The following GABRA2 variants were observed in gnomAD, a reference collection of about 807,000 sequenced individuals.
GABRA2 encodes the protein gamma-aminobutyric acid receptor subunit alpha-2.
Under a neutral mutation model 48.7 loss-of-function variants are expected in GABRA2, and 16 were observed. The observed-to-expected ratio is 0.33, with a 90% CI of 0.22 to 0.50. The LOEUF (loss-of-function observed/expected upper bound fraction) is 0.50. GABRA2 is among the 20% of genes least tolerant of loss of function. The pLI is 0.98. For missense variants in GABRA2, 275 were observed against 535.6 expected, an observed-to-expected ratio of 0.51 and a Z score of 4.80; for synonymous variants, 185 against 184.5, an observed-to-expected ratio of 1.00 and a Z score of -0.02.
chr4:46,252,267 A>G (rs1470588137), intron 9 of GABRA2, among the ~76,000 whole-genome samples: 5 of 151,450 alleles, frequency 3.3e-5, no homozygotes, highest in Non-Finnish European at 7.4e-5. Flanking sequence ...ACCATTTGTA[A>G]CTTTGTAAAA....
In GABRA2 at chr4:46,388,846, C is replaced by T; in HGVS notation, c.-10-130G>A. 2.0e-6 allele frequency: 3 copies of T among 1,497,244 alleles called. No individual in the cohort carries two copies. In the South Asian group the frequency reaches 4.1e-5, roughly 21 times the overall value. 92.7% of individuals were successfully genotyped at this position (1,497,244 alleles called of 1,614,324 possible). On this transcript the variant is annotated intron_variant, in intron 1 of 9. Transcript: ENST00000381620. Reference sequence around the variant, plus strand: ...AAAGCTATGGAGATTACTTCCTGGACTCTGTGTAGGACTTGATGATTGAGA... The same window carrying T: ...AAAGCTATGGAGATTACTTCCTGGATTCTGTGTAGGACTTGATGATTGAGA...
intron 4 of GABRA2, among the ~76,000 whole-genome samples, chr4:46,320,446 A>C (rs1729263077): frequency 6.6e-6 from 1 of 151,908 alleles, no homozygotes; most frequent in African/African-American, 2.4e-5. Context: ...CATACATCAA[A>C]CTAGAAAGCT....
chr4:46,381,233 T>C (rs530679194), intron 3 of GABRA2, among the ~76,000 whole-genome samples: 21 of 152,336 alleles, frequency 1.4e-4, no homozygotes, highest in Middle Eastern at 6.8e-3. Context: ...CAATGACCTA[T>C]AAAATTGATC....
chr4:46,253,900 A>G (rs1715294086), intron 9 of GABRA2, among the ~76,000 whole-genome samples: 1 of 151,536 alleles, frequency 6.6e-6, no homozygotes, highest in Non-Finnish European at 1.5e-5. Context: ...ATTTAAAAGT[A>G]ATAACTGCAA....
chr4:46,284,598 C>T (rs1722167425), intron 8 of GABRA2, among the ~76,000 whole-genome samples: 1 of 151,966 alleles, frequency 6.6e-6, no homozygotes, highest in Non-Finnish European at 1.5e-5. Flanking sequence ...TGAAATATAC[C>T]AGAAAATGAA....
At chr4:46,362,526 A>C (rs1232578207) in intron 3 of GABRA2, among the ~76,000 whole-genome samples, 1 of 152,236 alleles carries the variant, frequency 6.6e-6, no homozygotes, top group Non-Finnish European at 1.5e-5. Flanking sequence ...AAAAAGAAAC[A>C]CAAAAACTAA....
intron 8 of GABRA2, among the ~76,000 whole-genome samples, chr4:46,268,191 TAAATG>T (rs1289657662): frequency 2.0e-5 from 3 of 151,886 alleles, no homozygotes; most frequent in Admixed American, 6.6e-5. Flanking sequence ...AAAACAAAGA[TAAATG>T]AGTGAGATTA....
intron 2 of GABRA2, among the ~76,000 whole-genome samples, chr4:46,387,326 G>A (rs1391019337): frequency 6.6e-6 from 1 of 151,988 alleles, no homozygotes; most frequent in Non-Finnish European, 1.5e-5. Context: ...TTCTGATCAA[G>A]GTGCATTGTA....
At chr4:46,289,407 G>T (rs762204677) in intron 8 of GABRA2, among the ~76,000 whole-genome samples, 10 of 152,170 alleles carry the variant, frequency 6.6e-5, no homozygotes, top group Non-Finnish European at 1.3e-4. Context: ...AGGAACATGG[G>T]TGGATCTGGA....
intron 3 of GABRA2, chr4:46,368,596 C>T (rs180703700): frequency 6.8e-4 from 125 of 184,266 alleles, no homozygotes; most frequent in African/African-American, 2.6e-3. Context: ...ACAAGTTTTC[C>T]GACTGGTTTT....
intron 1 of GABRA2, chr4:46,389,314 CG>C: frequency 1.0e-6 from 1 of 985,520 alleles, no homozygotes; most frequent in Non-Finnish European, 1.2e-6. Flanking sequence ...TGCCCACCCA[CG>C]GTTGCCCAAG....
At chr4:46,376,161 T>A (rs1213322588) in intron 3 of GABRA2, among the ~76,000 whole-genome samples, 1 of 152,222 alleles carries the variant, frequency 6.6e-6, no homozygotes, top group Non-Finnish European at 1.5e-5. Flanking sequence ...ATACACATTT[T>A]AAGGAACAAA....
chr4:46,274,770 AT>A (rs1720153517), intron 8 of GABRA2, among the ~76,000 whole-genome samples: 1 of 152,066 alleles, frequency 6.6e-6, no homozygotes, highest in African/African-American at 2.4e-5. Flanking sequence ...AGCTTATGTA[AT>A]TCCAAAGATT....
chr4:46,347,214 T>C (rs1734288358), intron 3 of GABRA2, among the ~76,000 whole-genome samples: 1 of 151,944 alleles, frequency 6.6e-6, no homozygotes, highest in African/African-American at 2.4e-5. Context: ...ATTTCTAATG[T>C]TGTTCTTCAC....
intron 4 of GABRA2, among the ~76,000 whole-genome samples, chr4:46,322,366 A>C (rs1426772336): frequency 6.6e-6 from 1 of 151,816 alleles, no homozygotes. Flanking sequence ...GGGTGAAGTA[A>C]AAACACTCTC....
chr4:46,279,052 G>A (rs1560467944), intron 8 of GABRA2, among the ~76,000 whole-genome samples: 1 of 151,766 alleles, frequency 6.6e-6, no homozygotes, highest in African/African-American at 2.4e-5. Context: ...GTGGTTTTGG[G>A]AACTCCCAGA....
rs1291205611 is a variant in GABRA2 at position 46,349,611 on chromosome 4, C to A, written c.188-16929G>T. On this transcript the variant is annotated intron_variant, in intron 3 of 9. Coordinates refer to ENST00000381620, the MANE Select transcript of GABRA2 (RefSeq NM_000807.4). Reference sequence around the variant, plus strand: ...ACAATCCAATATTTTTCTTCTACAACATTCCAAAGTTAAATGCATTCAGAG... The same window carrying A: ...ACAATCCAATATTTTTCTTCTACAAAATTCCAAAGTTAAATGCATTCAGAG... Among the ~76,000 whole-genome samples, 3 of 152,084 alleles carry A rather than the reference C, an allele frequency of 2.0e-5. No homozygotes were observed. The East Asian group carries it at 5.8e-4, about 29-fold the overall frequency.
In GABRA2 at chr4:46,250,341, T is replaced by C. The variant is rs202196272; in HGVS notation, c.1323A>G (p.Leu441=). 1.9e-6 allele frequency: 3 copies of C among 1,610,836 alleles called. No individual in the cohort carries two copies. Among genetic ancestry groups the C allele is most frequent in the Non-Finnish European group, 2.5e-6 (3 of 1,178,132 alleles). ...TGACCCCTAATACAGGTTCTCTGTT[T>C]AAATATGTAGCCCAGTAAACTAAAT... ...TFNLVYWATY[L]NREPVLGVSP Residue 441 remains leucine (L), a synonymous_variant, in exon 10 of 10, where the codon TTA becomes TTG. Coordinates refer to ENST00000381620, the MANE Select transcript of GABRA2 (RefSeq NM_000807.4).
intron 8 of GABRA2, among the ~76,000 whole-genome samples, chr4:46,281,093 T>A (rs1721448932): frequency 6.6e-6 from 1 of 152,164 alleles, no homozygotes; most frequent in South Asian, 2.1e-4. Flanking sequence ...AGACATGCAG[T>A]AATCCAAAGG....
Sources: gnomAD v4.1 joint callset for allele counts (sites outside exome capture counted in the v4.1 genomes callset) on GRCh38, gnomAD v4.1.1 for gene constraint, MANE v1.5 for transcripts, NCBI Gene and HGNC (gene_info 2026-07-23, HGNC 2026-07-21) for gene names.